Variants in TENM2 observed in about 807,000 individuals in gnomAD.
TENM2 encodes teneurin-2.
In TENM2, 52 loss-of-function variants were observed where a neutral mutation model predicts 245.2. The observed-to-expected ratio is 0.21, with a 90% CI of 0.17 to 0.27. TENM2 has a LOEUF of 0.27. Among genes scored for constraint, TENM2 ranks in the 10% least tolerant of loss-of-function variants. The pLI is 1.00. For synonymous variants in TENM2, 1,363 were observed against 1,438.9 expected (o/e 0.95, Z 1.19); for missense variants, 3,046 against 3,666.8 (o/e 0.83, Z 4.37).
At chr5:167,636,159 AT>A (rs1467379386) in intron 2 of TENM2, among the ~76,000 whole-genome samples, 1 of 152,204 alleles carries the variant, frequency 6.6e-6, no homozygotes, top group Admixed American at 6.5e-5. Context: ...ATTTTCACAT[AT>A]TTAAAAGCAT....
intron 2 of TENM2, among the ~76,000 whole-genome samples, chr5:167,723,469 C>T (rs545719294): frequency 7.2e-5 from 11 of 152,362 alleles, no homozygotes; most frequent in Middle Eastern, 3.4e-3. Context: ...CAGAGGGCGC[C>T]TGACACGTGA....
chr5:168,260,153 T>C, intron 27 of TENM2, 130 bp from the exon 30 acceptor site: 1 of 919,826 alleles, frequency 1.1e-6, no homozygotes, highest in Non-Finnish European at 1.7e-6. Context: ...GAGACAGTCA[T>C]AAGCTCTTCC....
chr5:167,445,499 A>G (rs962769055), intron 2 of TENM2, among the ~76,000 whole-genome samples: 1 of 152,008 alleles, frequency 6.6e-6, no homozygotes, highest in Non-Finnish European at 1.5e-5. Context: ...CCGCATAGCA[A>G]TTTTATCCAA....
chr5:167,767,175 C>G (rs73801390), intron 2 of TENM2, among the ~76,000 whole-genome samples: 9,337 of 152,208 alleles, frequency 0.061, 341 homozygotes, highest in African/African-American at 0.086. Flanking sequence ...TGACAGAATA[C>G]ACAAATGTGG....
chr5:168,238,119 T>C (rs1581727803), intron 25 of TENM2, among the ~76,000 whole-genome samples: 1 of 131,388 alleles, frequency 7.6e-6, no homozygotes, highest in South Asian at 2.4e-4. Flanking sequence ...CACTACAGCC[T>C]GGGAGATAGA....
chr5:168,252,794 C>T (rs1767236084), intron 27 of TENM2, among the ~76,000 whole-genome samples: 1 of 150,756 alleles, frequency 6.6e-6, no homozygotes, highest in South Asian at 2.1e-4. Flanking sequence ...TTGCAGTGAG[C>T]TGAGATCGCA....
the TENM2 span, among the ~76,000 whole-genome samples, chr5:167,008,044 C>T: frequency 3.3e-5 from 5 of 152,182 alleles, no homozygotes; most frequent in African/African-American, 1.2e-4. Context: ...CTCCCTTCCC[C>T]GTTCCTCTTC....
At chr5:167,491,858 C>T (rs189066432) in intron 2 of TENM2, among the ~76,000 whole-genome samples, 5 of 152,092 alleles carry the variant, frequency 3.3e-5, no homozygotes, top group Non-Finnish European at 2.9e-5. Flanking sequence ...AGTCATCAAG[C>T]GAATGAACAA....
chr5:167,229,080 C>G, the TENM2 span, among the ~76,000 whole-genome samples: 10 of 152,312 alleles, frequency 6.6e-5, no homozygotes, highest in African/African-American at 2.4e-4. Context: ...TTGGGTATGT[C>G]ACTTTGGCTT....
intron 2 of TENM2, among the ~76,000 whole-genome samples, chr5:167,682,116 C>CCTGCCTGCCTGCCTGCCTG (rs773062042): frequency 2.9e-5 from 3 of 103,578 alleles, no homozygotes; most frequent in African/African-American, 7.6e-5. Flanking sequence ...CTCCCTCCCT[C>CCTGCCTGCCTGCCTGCCTG]CCTCCCTCCC....
chr5:167,690,022 A>G (rs543961860), intron 2 of TENM2, among the ~76,000 whole-genome samples: 87 of 151,050 alleles, frequency 5.8e-4, no homozygotes, highest in African/African-American at 2.1e-3. Context: ...TTTTGGGCCC[A>G]TGACCCGGGA....
chr5:167,585,158 TTCTC>T (rs1775398315), intron 2 of TENM2, among the ~76,000 whole-genome samples: 1 of 152,192 alleles, frequency 6.6e-6, no homozygotes, highest in Admixed American at 6.5e-5. Flanking sequence ...ATCATCCTTC[TTCTC>T]TCTCTATTTT....
intron 2 of TENM2, among the ~76,000 whole-genome samples, chr5:167,862,688 C>T (rs1439676369): frequency 6.6e-6 from 1 of 152,186 alleles, no homozygotes; most frequent in African/African-American, 2.4e-5. Flanking sequence ...AAGCACCTGC[C>T]TCTGCGGGGC....
chr5:168,120,002 T>A (rs1444639227), intron 10 of TENM2, among the ~76,000 whole-genome samples: 1 of 152,184 alleles, frequency 6.6e-6, no homozygotes, highest in African/African-American at 2.4e-5. Flanking sequence ...CAGAGTTCTA[T>A]ACAAAATAAC....
chr5:167,590,318 T>TA (rs1018628562), intron 2 of TENM2, among the ~76,000 whole-genome samples: 3 of 151,884 alleles, frequency 2.0e-5, no homozygotes, highest in African/African-American at 4.8e-5. Context: ...TTCTCAGCTT[T>TA]AAAAAAAATC....
chr5:167,441,063 G>C (rs1477095916), intron 2 of TENM2, among the ~76,000 whole-genome samples: 1 of 152,256 alleles, frequency 6.6e-6, no homozygotes, highest in East Asian at 1.9e-4. Flanking sequence ...CACTCCTAGA[G>C]GTAATGGAGA....
intron 2 of TENM2, among the ~76,000 whole-genome samples, chr5:167,423,396 G>A (rs2127427673): frequency 6.6e-6 from 1 of 152,248 alleles, no homozygotes; most frequent in South Asian, 2.1e-4. Flanking sequence ...GTTGATTTCT[G>A]AGGTGGATAA....
At chr5:167,014,140 C>CTT in the TENM2 span, among the ~76,000 whole-genome samples, 20 of 128,654 alleles carry the variant, frequency 1.6e-4, 1 homozygote, top group African/African-American at 3.7e-4. Context: ...AAAACCAATT[C>CTT]TTTTTTTTTT....
At chr5:167,997,150 CA>C (rs1784112230) in intron 5 of TENM2, among the ~76,000 whole-genome samples, 2 of 152,214 alleles carry the variant, frequency 1.3e-5, no homozygotes, top group Non-Finnish European at 2.9e-5. Flanking sequence ...CAAGCACTGA[CA>C]CCGAGGCCCA....
Sources: allele counts gnomAD v4.1 joint callset (sites outside exome capture counted in the v4.1 genomes callset), GRCh38; gene constraint gnomAD v4.1.1; transcripts MANE v1.5; gene names NCBI Gene and HGNC (gene_info 2026-07-23, HGNC 2026-07-21).